The following GRIP1 variants were observed in gnomAD, a reference collection of about 807,000 sequenced individuals.
The protein encoded by GRIP1 is glutamate receptor interacting protein 1.
GRIP1 carries 45 observed loss-of-function variants against 129.9 expected under a neutral mutation model. That is an observed-to-expected ratio of 0.35 (90% confidence interval 0.27 to 0.44). GRIP1 has a LOEUF of 0.44. Ranked by LOEUF, GRIP1 falls within the 20% of genes least tolerant of loss-of-function variation. GRIP1 has a pLI of 1.00. For synonymous variants in GRIP1, 530 were observed against 520.8 expected (o/e 1.02, Z -0.24); for missense variants, 1,196 against 1,396.8 (o/e 0.86, Z 2.29).
chr12:66,462,778 G>A, intron 9 of GRIP1, 146 bp downstream of exon 9: 1 of 609,808 alleles, frequency 1.6e-6, no homozygotes, highest in Non-Finnish European at 2.9e-6. Flanking sequence ...TTCCAGTCTG[G>A]GGGACAGAGT....
At chr12:66,543,810 T>C (rs2061862585) in intron 2 of GRIP1, among the ~76,000 whole-genome samples, 1 of 152,230 alleles carries the variant, frequency 6.6e-6, no homozygotes, top group Non-Finnish European at 1.5e-5. Context: ...CCTATATATT[T>C]AGACATCTGA....
At chr12:66,356,862 T>C (rs2054512159) in intron 23 of GRIP1, among the ~76,000 whole-genome samples, 2 of 152,146 alleles carry the variant, frequency 1.3e-5, no homozygotes, top group Non-Finnish European at 1.5e-5. Flanking sequence ...AAATGATTTT[T>C]TATTTTTATT....
At chr12:66,645,609 A>G (rs917273050) in intron 1 of GRIP1, among the ~76,000 whole-genome samples, 1 of 152,234 alleles carries the variant, frequency 6.6e-6, no homozygotes, top group Non-Finnish European at 1.5e-5. Context: ...ATTAACTCCC[A>G]TTAAAAGCAA....
intron 1 of GRIP1, among the ~76,000 whole-genome samples, chr12:66,620,993 T>A (rs757988823): frequency 1.1e-4 from 17 of 152,310 alleles, no homozygotes; most frequent in Non-Finnish European, 2.1e-4. Context: ...ATGAATAAAT[T>A]AAGTTTTCAG....
chr12:66,560,151 C>T (rs2062469904), intron 2 of GRIP1, among the ~76,000 whole-genome samples: 1 of 152,102 alleles, frequency 6.6e-6, no homozygotes. Context: ...CATCTCTTGC[C>T]ATATACAAAA....
At chr12:66,785,491 A>C (rs1211808796) in intron 1 of GRIP1, among the ~76,000 whole-genome samples, 1 of 151,412 alleles carries the variant, frequency 6.6e-6, no homozygotes, top group East Asian at 1.9e-4. Context: ...CAGCCTTGGC[A>C]ACACAGCAAG....
intron 14 of GRIP1, among the ~76,000 whole-genome samples, chr12:66,421,032 A>G (rs1463107483): frequency 1.3e-5 from 2 of 152,236 alleles, no homozygotes; most frequent in Non-Finnish European, 2.9e-5. Flanking sequence ...CAATTGGATA[A>G]GTACCCATTT....
At chr12:66,383,142 C>CA (rs1470514128) in intron 19 of GRIP1, among the ~76,000 whole-genome samples, 2 of 152,006 alleles carry the variant, frequency 1.3e-5, no homozygotes, top group African/African-American at 4.8e-5. Flanking sequence ...ACTAAAAATA[C>CA]AAAAATTAGC....
intron 1 of GRIP1, among the ~76,000 whole-genome samples, chr12:66,939,905 A>C (rs1459634246): frequency 6.6e-6 from 1 of 152,156 alleles, no homozygotes; most frequent in Non-Finnish European, 1.5e-5. Flanking sequence ...ACCTCCTTTC[A>C]CTATAATAAA....
At position 66,721,207 on chromosome 12, in the gene GRIP1, G is replaced by C. The variant is rs1214065832; in HGVS notation, c.-420+82846C>G. 2.6e-5 allele frequency among the ~76,000 whole-genome samples: 4 copies of C among 152,128 alleles called. No individual in the cohort carries two copies. In the East Asian group the frequency reaches 7.7e-4, roughly 29 times the overall value. Reference sequence around the variant, plus strand: ...TGAAAGGAATCTTTTTTTCTGAGCAGATCTCGACAATGATCTTAAAATATT... The same window carrying C: ...TGAAAGGAATCTTTTTTTCTGAGCACATCTCGACAATGATCTTAAAATATT... On this transcript the variant is annotated intron_variant, in intron 1 of 4. Coordinates refer to the GRIP1 transcript ENST00000538373.
intron 1 of GRIP1, among the ~76,000 whole-genome samples, chr12:66,841,629 TG>T (rs2039718263): frequency 6.6e-6 from 1 of 152,190 alleles, no homozygotes; most frequent in Non-Finnish European, 1.5e-5. Context: ...CTCCTGCCTT[TG>T]TAAGCTGGGC....
intron 1 of GRIP1, among the ~76,000 whole-genome samples, chr12:66,824,356 C>T (rs927505538): frequency 3.9e-5 from 6 of 152,110 alleles, no homozygotes; most frequent in Admixed American, 6.6e-5. Context: ...CCAGGTCATG[C>T]GTCTACACTA....
chr12:66,656,289 G>A (rs1565945764), intron 1 of GRIP1, among the ~76,000 whole-genome samples: 2 of 152,124 alleles, frequency 1.3e-5, no homozygotes, highest in Admixed American at 6.5e-5. Flanking sequence ...AATTTTGTTA[G>A]CCAACAGTGT....
intron 1 of GRIP1, among the ~76,000 whole-genome samples, chr12:66,653,464 T>A (rs2032941445): frequency 6.6e-6 from 1 of 152,202 alleles, no homozygotes; most frequent in South Asian, 2.1e-4. Flanking sequence ...ATCTCACACC[T>A]CTGTATTAGC....
At chr12:66,576,996 G>A (rs979989340) in intron 2 of GRIP1, among the ~76,000 whole-genome samples, 4 of 152,206 alleles carry the variant, frequency 2.6e-5, no homozygotes, top group African/African-American at 9.6e-5. Flanking sequence ...TGGTTTTCTT[G>A]AACTCTGTTC....
chr12:66,645,379 CCTTATACATGCAACAAT>C lies in GRIP1; in HGVS notation c.55+33454_55+33470del, dbSNP rs776989588. Among the ~76,000 whole-genome samples, 134 of 152,322 alleles carry C rather than the reference CCTTATACATGCAACAAT, an allele frequency of 8.8e-4. 3 individuals carry two copies. Among genetic ancestry groups the C allele is most frequent in the Non-Finnish European group, 1.5e-4 (10 of 68,036 alleles). On this transcript the variant is annotated intron_variant, in intron 1 of 24. Transcript: ENST00000359742. ...CACTGCGCTACAGAAAGTCTGAGGA[CCTTATACATGCAACAAT>C]TTACAGAATGTTCTCTCATTCATTG... is the stretch of plus-strand genomic sequence containing the variant.
chr12:66,698,000 G>A (rs1254452039), intron 1 of GRIP1, among the ~76,000 whole-genome samples: 1 of 152,108 alleles, frequency 6.6e-6, no homozygotes, highest in Non-Finnish European at 1.5e-5. Context: ...TCTTCAGTAT[G>A]CAGTATTAAA....
chr12:66,543,173 G>A (rs928310907), intron 2 of GRIP1, among the ~76,000 whole-genome samples: 1 of 152,044 alleles, frequency 6.6e-6, no homozygotes, highest in Non-Finnish European at 1.5e-5. Flanking sequence ...AAGAAGGCTG[G>A]GGACGGCAGG....
At chr12:66,545,156 C>G (rs771563392) in intron 2 of GRIP1, among the ~76,000 whole-genome samples, 7 of 152,062 alleles carry the variant, frequency 4.6e-5, no homozygotes, top group Non-Finnish European at 1.0e-4. Context: ...TCCTTAATCA[C>G]CATATTTATT....
Sources: gnomAD v4.1 joint callset for allele counts (sites outside exome capture counted in the v4.1 genomes callset) on GRCh38, gnomAD v4.1.1 for gene constraint, MANE v1.5 for transcripts, NCBI Gene and HGNC (gene_info 2026-07-23, HGNC 2026-07-21) for gene names.